Variants in SAMD13 observed in about 807,000 individuals in gnomAD.
SAMD13 encodes the protein sterile alpha motif domain containing 13.
SAMD13 carries 9 observed loss-of-function variants against 12.4 expected under a neutral mutation model. The observed-to-expected ratio is 0.72, with a 90% confidence interval of 0.44 to 1.26. The LOEUF (loss-of-function observed/expected upper bound fraction) is 1.26, where lower values mean the gene tolerates loss of function less well. SAMD13 is among the 50% of genes most tolerant of loss of function. The pLI, the probability that SAMD13 is intolerant of heterozygous loss-of-function variation, is 0.00. For synonymous variants in SAMD13, 46 were observed against 45.4 expected, an observed-to-expected ratio of 1.01 and a Z score of -0.05; for missense variants, 84 against 119.6, an observed-to-expected ratio of 0.70 and a Z score of 1.39.
chr1:84,306,011 T>C (rs1409836774), intron 2 of SAMD13, among the ~76,000 whole-genome samples: 2 of 152,240 alleles, frequency 1.3e-5, no homozygotes, highest in Non-Finnish European at 2.9e-5. Context: ...AAATTTTTTT[T>C]TGAAAATCTG....
chr1:84,344,501 T>G (rs1014761828), intron 3 of SAMD13, among the ~76,000 whole-genome samples: 1 of 152,036 alleles, frequency 6.6e-6, no homozygotes, highest in Non-Finnish European at 1.5e-5. Context: ...ATGTGAAGGA[T>G]CCATACAACA....
intron 3 of SAMD13, among the ~76,000 whole-genome samples, chr1:84,343,829 G>A (rs990117044): frequency 2.6e-5 from 4 of 151,934 alleles, no homozygotes; most frequent in African/African-American, 9.7e-5. Flanking sequence ...TAACAAACCT[G>A]CACATCCTGC....
intron 3 of SAMD13, among the ~76,000 whole-genome samples, chr1:84,334,461 G>T (rs896677717): frequency 6.6e-6 from 1 of 151,772 alleles, no homozygotes; most frequent in Non-Finnish European, 1.5e-5. Context: ...TTCTTTATTA[G>T]TCTAGCTAAT....
intron 2 of SAMD13, among the ~76,000 whole-genome samples, chr1:84,324,384 T>C (rs1289599070): frequency 6.6e-6 from 1 of 152,210 alleles, no homozygotes; most frequent in Admixed American, 6.5e-5. Context: ...GACTTCTTCA[T>C]ACAGTTAATT....
chr1:84,348,209 G>A (rs1035204982), intron 3 of SAMD13, among the ~76,000 whole-genome samples: 2 of 152,186 alleles, frequency 1.3e-5, no homozygotes, highest in African/African-American at 4.8e-5. Flanking sequence ...ACCCCGCCAA[G>A]GAGGAAAGAG....
chr1:84,332,894 T>C (rs1225901850), intron 3 of SAMD13, among the ~76,000 whole-genome samples: 2 of 152,194 alleles, frequency 1.3e-5, no homozygotes, highest in African/African-American at 4.8e-5. Flanking sequence ...CTATCTTGAA[T>C]TGATTTTTAT....
chr1:84,327,609 C>G (rs1268231381), intron 3 of SAMD13, among the ~76,000 whole-genome samples: 2 of 151,738 alleles, frequency 1.3e-5, no homozygotes, highest in Non-Finnish European at 2.9e-5. Context: ...CATTTTACTT[C>G]AAAAAGAAAA....
At chr1:84,336,603 C>T (rs1679297094) in intron 3 of SAMD13, among the ~76,000 whole-genome samples, 1 of 152,174 alleles carries the variant, frequency 6.6e-6, no homozygotes, top group Admixed American at 6.5e-5. Context: ...CACCGGGTCC[C>T]TCCAACAACA....
chr1:84,323,379 C>T (rs755694662), intron 2 of SAMD13, among the ~76,000 whole-genome samples: 37 of 151,864 alleles, frequency 2.4e-4, no homozygotes, highest in Non-Finnish European at 4.4e-4. Flanking sequence ...GTTTTCTTCT[C>T]GATGTATATT....
chr1:84,306,624 C>G (rs1359982481), intron 2 of SAMD13, among the ~76,000 whole-genome samples: 1 of 137,290 alleles, frequency 7.3e-6, no homozygotes, highest in Non-Finnish European at 1.5e-5. Context: ...CATGTGAAAC[C>G]CCATCTCTAC....
rs371873095 is a variant in SAMD13 at position 84,349,619 on chromosome 1, C to G, written c.166-12C>G. 2 of 1,610,674 alleles carry G rather than the reference C, an allele frequency of 1.2e-6. No individual in the cohort carries two copies. Among genetic ancestry groups the G allele is most frequent in the African/African-American group, 2.7e-5 (2 of 74,808 alleles). On this transcript the variant is annotated splice_polypyrimidine_tract_variant and intron_variant, in intron 3 of 3. Coordinates refer to ENST00000394834, the MANE Select transcript of SAMD13 (RefSeq NM_001134663.2). The stretch of plus-strand genomic sequence containing the variant: ...ACTCACATGTTGGCTTTACCTTCTG[C>G]TTCCATTATAGGAAATTGATGGAAA...
At chr1:84,346,963 A>G (rs1211700093) in intron 3 of SAMD13, among the ~76,000 whole-genome samples, 1 of 152,172 alleles carries the variant, frequency 6.6e-6, no homozygotes, top group Non-Finnish European at 1.5e-5. Flanking sequence ...AAGCCTATCC[A>G]TTTCCACTTA....
At chr1:84,327,436 G>A (rs1288669823) in intron 3 of SAMD13, among the ~76,000 whole-genome samples, 2 of 152,212 alleles carry the variant, frequency 1.3e-5, no homozygotes, top group South Asian at 2.1e-4. Context: ...CTCTGGCTGC[G>A]TGGGGGTGGA....
At chr1:84,344,653 G>A (rs113955746) in intron 3 of SAMD13, 2 of 303,868 alleles carry the variant, frequency 6.6e-6, no homozygotes, top group Non-Finnish European at 1.3e-5. Flanking sequence ...CCCTGTCTTG[G>A]TGGGGAAAGG....
intron 3 of SAMD13, among the ~76,000 whole-genome samples, chr1:84,342,594 C>A (rs565136665): frequency 6.6e-6 from 1 of 152,220 alleles, no homozygotes; most frequent in South Asian, 2.1e-4. Context: ...CTGACAAAAA[C>A]AAGCAATGGG....
chr1:84,348,651 C>T (rs1242519252), intron 3 of SAMD13, among the ~76,000 whole-genome samples: 1 of 152,096 alleles, frequency 6.6e-6, no homozygotes, highest in African/African-American at 2.4e-5. Context: ...AGTTTCAAAC[C>T]ACTTTGTATA....
upstream of SAMD13, among the ~76,000 whole-genome samples, chr1:84,299,215 C>A (rs1678385549): frequency 6.6e-6 from 1 of 152,076 alleles, no homozygotes; most frequent in Non-Finnish European, 1.5e-5. Flanking sequence ...CGCGCTGGCT[C>A]CCTAGGCGAG....
At position 84,349,688 on chromosome 1, in the gene SAMD13, C is replaced by T. The variant is rs1455380697; in HGVS notation, c.223C>T (p.Gln75Ter). The change falls in exon 4 of 4, where the codon CAG becomes TAG. Residue 75 changes from glutamine (Q) to a stop codon, truncating the protein, a stop_gained. Transcript: ENST00000394834. LOFTEE classifies it high-confidence loss of function. Reference sequence around the variant, plus strand: ...AAGAAATGATGTGTTGACAGGACTTCAGTTAAAATTGGGGCCTGCTCTGAA... The same window carrying T: ...AAGAAATGATGTGTTGACAGGACTTTAGTTAAAATTGGGGCCTGCTCTGAA... ...MTRNDVLTGL[Q>*]LKLGPALKIY... 1.2e-6 allele frequency: 2 copies of T among 1,613,898 alleles called. No individual in the cohort carries two copies. The highest frequency in any genetic ancestry group is 3.3e-5 in the Admixed American group (2 of 60,012).
chr1:84,303,907 A>C (rs573429251), intron 2 of SAMD13: 2 of 152,340 alleles, frequency 1.3e-5, no homozygotes, highest in African/African-American at 4.8e-5. Context: ...GTAACATAAT[A>C]TTTTGATATT....
Sources: gnomAD v4.1 joint callset for allele counts (sites outside exome capture counted in the v4.1 genomes callset) on GRCh38, gnomAD v4.1.1 for gene constraint, MANE v1.5 for transcripts, NCBI Gene and HGNC (gene_info 2026-07-23, HGNC 2026-07-21) for gene names.